Variants in MTUS1 observed in about 807,000 individuals in gnomAD.
MTUS1 encodes microtubule associated scaffold protein 1, also known as microtubule-associated tumor suppressor 1.
In MTUS1, 109 loss-of-function variants were observed where a neutral mutation model predicts 120.8. The ratio of observed to expected loss-of-function variants is 0.90; its 90% CI spans 0.77 to 1.06. MTUS1 has a LOEUF of 1.06. MTUS1 is among the 50% of genes least tolerant of loss of function. The probability of loss-of-function intolerance (pLI) is 0.00; values close to 1 mark genes in which losing one functional copy is unlikely to be tolerated. For missense variants in MTUS1, 2,210 were observed against 1,486.3 expected (o/e 1.49, Z -8.01); for synonymous variants, 737 against 550.5 (o/e 1.34, Z -4.74).
intron 6 of MTUS1, among the ~76,000 whole-genome samples, chr8:17,707,409 G>A (rs959130619): frequency 5.9e-5 from 9 of 152,094 alleles, no homozygotes; most frequent in African/African-American, 1.4e-4. Context: ...TTAGTCTTAA[G>A]TCATGATAAT....
chr8:17,759,542 A>G (rs1038058760), intron 1 of MTUS1, among the ~76,000 whole-genome samples: 1 of 149,842 alleles, frequency 6.7e-6, no homozygotes, highest in African/African-American at 2.4e-5. Context: ...AAATTGCTAT[A>G]TTTAAAAAGG....
chr8:17,776,005 C>T (rs757168750), intron 1 of MTUS1, among the ~76,000 whole-genome samples: 13 of 152,140 alleles, frequency 8.5e-5, no homozygotes, highest in Non-Finnish European at 1.6e-4. Flanking sequence ...TGGAATATTC[C>T]CAGTCAAAGC....
chr8:17,726,892 A>G (rs537904501), intron 3 of MTUS1, among the ~76,000 whole-genome samples: 21 of 152,210 alleles, frequency 1.4e-4, no homozygotes, highest in Non-Finnish European at 2.9e-4. Flanking sequence ...AAGGCTTCCT[A>G]CATTTTGGAA....
chr8:17,754,582 A>C lies in MTUS1; in HGVS notation c.1226T>G (p.Phe409Cys). 1 of 1,614,218 alleles carries C rather than the reference A, an allele frequency of 6.2e-7. No individual in the cohort carries two copies. The highest frequency in any genetic ancestry group is 8.5e-7 in the Non-Finnish European group (1 of 1,180,034). Residue 409 changes from phenylalanine (F) to cysteine (C), a missense_variant, in exon 2 of 15, where the codon TTT becomes TGT. Transcript: ENST00000693296. ...ATCATTTGCATCCCAAGTCAGTCCA[A>C]ATGACGAGCCCACCTTTTGTCCTGG... Reference protein sequence around the residue: ...SPPGQKVGSSFGLTWDANDMV... With the variant: ...SPPGQKVGSSCGLTWDANDMV...
At chr8:17,727,863 G>A (rs1239841009) in intron 3 of MTUS1, among the ~76,000 whole-genome samples, 1 of 152,118 alleles carries the variant, frequency 6.6e-6, no homozygotes, top group East Asian at 1.9e-4. Flanking sequence ...CTTTTATGTA[G>A]GGAAAATCTG....
intron 7 of MTUS1, among the ~76,000 whole-genome samples, chr8:17,677,890 A>G (rs1813447569): frequency 6.6e-6 from 1 of 152,186 alleles, no homozygotes; most frequent in Admixed American, 6.5e-5. Context: ...CAAACTAATT[A>G]ACTAAGCATT....
chr8:17,654,568 G>A lies in MTUS1; in HGVS notation c.3207C>T (p.Ser1069=), dbSNP rs920988874. ...LELLKKAYEA[S]LSEIKKGHEI... Reference sequence around the variant, plus strand: ...GAAAAAAAGCATCCTTGCCTGAAAGGGAGGCTTCATAGGCCTTCTTTAGCA... The same window carrying A: ...GAAAAAAAGCATCCTTGCCTGAAAGAGAGGCTTCATAGGCCTTCTTTAGCA... Residue 1069 remains serine (S), a synonymous_variant, in exon 10 of 15, where the codon TCC becomes TCT. Coordinates refer to ENST00000693296, the MANE Select transcript of MTUS1 (RefSeq NM_001363059.2). The A allele has an allele frequency of 6.2e-7, 1 of 1,605,800 alleles. No homozygotes were observed. Among genetic ancestry groups the A allele is most frequent in the South Asian group, 1.1e-5 (1 of 90,906 alleles).
At chr8:17,714,026 C>A (rs7825438) in intron 5 of MTUS1, among the ~76,000 whole-genome samples, 8,588 of 152,214 alleles carry the variant, frequency 0.056, 275 homozygotes, top group African/African-American at 0.09. Context: ...TCATTCTCTG[C>A]AAGTTATTTT....
intron 12 of MTUS1, chr8:17,651,697 C>T (rs1329366905): frequency 6.6e-6 from 1 of 152,210 alleles, no homozygotes; most frequent in Non-Finnish European, 1.5e-5. Flanking sequence ...GGACTACAGT[C>T]AGACGCACTC....
chr8:17,745,502 T>A (rs985801582), intron 2 of MTUS1, among the ~76,000 whole-genome samples: 1 of 152,244 alleles, frequency 6.6e-6, no homozygotes, highest in African/African-American at 2.4e-5. Flanking sequence ...TCCACAGATG[T>A]GGAGCCCATA....
intron 1 of MTUS1, among the ~76,000 whole-genome samples, chr8:17,774,233 G>A (rs1304229016): frequency 1.3e-5 from 2 of 152,150 alleles, no homozygotes; most frequent in African/African-American, 2.4e-5. Context: ...AAACCACAAT[G>A]CAGCTACTAC....
At chr8:17,661,671 T>TTCG (rs1809728848) in intron 8 of MTUS1, among the ~76,000 whole-genome samples, 1 of 134,178 alleles carries the variant, frequency 7.5e-6, no homozygotes, top group African/African-American at 3.0e-5. Context: ...GCTCTGACGT[T>TTCG]TTGATAAGTG....
chr8:17,721,067 T>C (rs1164310583), intron 4 of MTUS1, among the ~76,000 whole-genome samples: 1 of 152,192 alleles, frequency 6.6e-6, no homozygotes, highest in African/African-American at 2.4e-5. Flanking sequence ...CTGTGTTATA[T>C]CAGAAGTTCT....
intron 3 of MTUS1, among the ~76,000 whole-genome samples, chr8:17,727,991 T>C (rs1190987354): frequency 6.6e-6 from 1 of 152,228 alleles, no homozygotes; most frequent in Non-Finnish European, 1.5e-5. Flanking sequence ...TGAGTAAGTA[T>C]ACTATATTTA....
intron 2 of MTUS1, among the ~76,000 whole-genome samples, chr8:17,750,093 C>T (rs1296587461): frequency 6.6e-6 from 1 of 152,204 alleles, no homozygotes; most frequent in African/African-American, 2.4e-5. Flanking sequence ...CATCACTCTT[C>T]TTTCTTTAAT....
intron 7 of MTUS1, chr8:17,676,303 G>A: frequency 1.4e-6 from 1 of 703,038 alleles, no homozygotes; most frequent in Non-Finnish European, 2.6e-6. Flanking sequence ...GAGAATAGAG[G>A]CACAGTTTGC....
chr8:17,731,042 T>A (rs2046540958), intron 3 of MTUS1, among the ~76,000 whole-genome samples: 1 of 152,142 alleles, frequency 6.6e-6, no homozygotes, highest in South Asian at 2.1e-4. Flanking sequence ...AGTAAGATAT[T>A]ATAAAATAAT....
At chr8:17,744,051 C>A (rs11203905) in intron 2 of MTUS1, among the ~76,000 whole-genome samples, 43,839 of 152,060 alleles carry the variant, frequency 0.29, 6,696 homozygotes, top group East Asian at 0.5. Flanking sequence ...AGCAAAAAGA[C>A]ACTAAATTCC....
intron 8 of MTUS1, among the ~76,000 whole-genome samples, chr8:17,660,473 T>C (rs1216715685): frequency 1.3e-5 from 2 of 152,200 alleles, no homozygotes; most frequent in African/African-American, 2.4e-5. Context: ...TTGGCTACTG[T>C]GAATAATGCT....
Sources: allele counts gnomAD v4.1 joint callset (sites outside exome capture counted in the v4.1 genomes callset), GRCh38; gene constraint gnomAD v4.1.1; transcripts MANE v1.5; gene names NCBI Gene and HGNC (gene_info 2026-07-23, HGNC 2026-07-21).